The following MACROD2 variants were observed in gnomAD, a reference collection of about 807,000 sequenced individuals.
MACROD2 encodes mono-ADP ribosylhydrolase 2, also known as ADP-ribose glycohydrolase MACROD2.
A neutral mutation model predicts 70.4 loss-of-function variants in MACROD2; 36 were observed. The ratio of observed to expected loss-of-function variants is 0.51; its 90% CI spans 0.39 to 0.68. The LOEUF (loss-of-function observed/expected upper bound fraction) is 0.68, where lower values mean the gene tolerates loss of function less well. Ranked by LOEUF, MACROD2 falls within the 30% of genes least tolerant of loss-of-function variation. The pLI, the probability that MACROD2 is intolerant of heterozygous loss-of-function variation, is 0.00. For missense variants in MACROD2, 496 were observed against 538.4 expected, an observed-to-expected ratio of 0.92 and a Z score of 0.78; for synonymous variants, 172 against 178.8, an observed-to-expected ratio of 0.96 and a Z score of 0.30.
chr20:14,341,568 G>T (rs781240520), intron 3 of MACROD2, among the ~76,000 whole-genome samples: 1 of 152,246 alleles, frequency 6.6e-6, no homozygotes, highest in South Asian at 2.1e-4. Context: ...GAACCCAGGA[G>T]GTGGAGGTTG....
chr20:15,615,245 A>G (rs2049021628), intron 8 of MACROD2, among the ~76,000 whole-genome samples: 1 of 152,090 alleles, frequency 6.6e-6, no homozygotes, highest in Admixed American at 6.6e-5. Flanking sequence ...CGCATCCCCA[A>G]CCTGAGTGAA....
At chr20:14,030,491 C>T (rs943871093) in intron 2 of MACROD2, among the ~76,000 whole-genome samples, 1 of 152,066 alleles carries the variant, frequency 6.6e-6, no homozygotes, top group Non-Finnish European at 1.5e-5. Context: ...TAGCTGCAAC[C>T]TCTGCCTCCC....
In MACROD2 at chr20:15,418,660, C is replaced by T. The variant is rs918588050; in HGVS notation, c.541-12745C>T. Reference sequence around the variant, plus strand: ...AAGAAAACCAGGGATTGACTCAAAGCCAAGGATCCATAATAACCTCCACTT... The same window carrying T: ...AAGAAAACCAGGGATTGACTCAAAGTCAAGGATCCATAATAACCTCCACTT... On this transcript the variant is annotated intron_variant, in intron 6 of 17. Coordinates refer to ENST00000684519, the MANE Select transcript of MACROD2 (RefSeq NM_001351661.2). Among the ~76,000 whole-genome samples, 3 of 152,294 alleles carry T rather than the reference C, an allele frequency of 2.0e-5. No individual in the cohort carries two copies. In the South Asian group the frequency reaches 6.2e-4, roughly 32 times the overall value.
chr20:14,919,321 G>C (rs1368594983), intron 5 of MACROD2, among the ~76,000 whole-genome samples: 2 of 152,020 alleles, frequency 1.3e-5, no homozygotes, highest in Non-Finnish European at 2.9e-5. Context: ...TAACCATTTG[G>C]GATAGCTTAT....
chr20:15,573,535 C>T (rs1255355628), intron 8 of MACROD2, among the ~76,000 whole-genome samples: 1 of 152,080 alleles, frequency 6.6e-6, no homozygotes, highest in Non-Finnish European at 1.5e-5. Flanking sequence ...CCAAGAACTC[C>T]CTTATAAGTA....
At chr20:15,450,526 T>C (rs2046626798) in intron 7 of MACROD2, among the ~76,000 whole-genome samples, 1 of 152,126 alleles carries the variant, frequency 6.6e-6, no homozygotes, top group Admixed American at 6.6e-5. Flanking sequence ...AAAAATGTAT[T>C]ACCTATTTTG....
chr20:14,255,867 T>C (rs187529448), intron 3 of MACROD2, among the ~76,000 whole-genome samples: 259 of 152,138 alleles, frequency 1.7e-3, no homozygotes, highest in African/African-American at 6.0e-3. Flanking sequence ...TTTTTGTCTT[T>C]GTTTTTCAGC....
At chr20:15,802,242 T>G (rs2063732878) in intron 8 of MACROD2, among the ~76,000 whole-genome samples, 1 of 152,192 alleles carries the variant, frequency 6.6e-6, no homozygotes, top group Non-Finnish European at 1.5e-5. Flanking sequence ...CTATGTTGAA[T>G]CAGAGTGGTG....
chr20:14,833,084 G>A (rs1436073774), intron 5 of MACROD2, among the ~76,000 whole-genome samples: 1 of 152,126 alleles, frequency 6.6e-6, no homozygotes, highest in Non-Finnish European at 1.5e-5. Flanking sequence ...GTGTGACTGA[G>A]GAATTACATT....
intron 5 of MACROD2, among the ~76,000 whole-genome samples, chr20:14,836,831 C>G (rs1433852673): frequency 6.6e-6 from 1 of 152,022 alleles, no homozygotes; most frequent in Non-Finnish European, 1.5e-5. Flanking sequence ...CAGAAACATG[C>G]ACAGGATTTG....
chr20:16,047,121 C>G lies in MACROD2; in HGVS notation c.1300+2482C>G, dbSNP rs140792986. Among the ~76,000 whole-genome samples, 52 of 152,272 alleles carry G rather than the reference C, an allele frequency of 3.4e-4. 4 individuals are homozygous for G. In the East Asian group the frequency reaches 0.01, roughly 29 times the overall value. ...ATAGCAAGTTTCTGGACACAGTTGTCACAGAGGCAGAATGAATGATTTGTG... is the reference window on the plus strand; with the variant it reads ...ATAGCAAGTTTCTGGACACAGTTGTGACAGAGGCAGAATGAATGATTTGTG... On this transcript the variant is annotated intron_variant, in intron 17 of 17. Transcript: ENST00000684519.
chr20:15,495,765 A>G (rs1949471278), intron 7 of MACROD2, among the ~76,000 whole-genome samples: 1 of 152,378 alleles, frequency 6.6e-6, no homozygotes, highest in African/African-American at 2.4e-5. Context: ...ACATAAATAA[A>G]TGCAGAACTG....
At chr20:15,485,085 C>T (rs1006549545) in intron 7 of MACROD2, among the ~76,000 whole-genome samples, 12 of 151,522 alleles carry the variant, frequency 7.9e-5, no homozygotes, top group Admixed American at 1.3e-4. Context: ...CATGTTGAAC[C>T]GCCTATATAT....
chr20:15,005,267 A>G (rs1004120937), intron 5 of MACROD2, among the ~76,000 whole-genome samples: 2 of 152,188 alleles, frequency 1.3e-5, no homozygotes, highest in Admixed American at 1.3e-4. Flanking sequence ...GGCTTTAAAG[A>G]ATACAACTTT....
At chr20:14,956,879 C>T (rs1302624243) in intron 5 of MACROD2, among the ~76,000 whole-genome samples, 1 of 152,150 alleles carries the variant, frequency 6.6e-6, no homozygotes, top group African/African-American at 2.4e-5. Context: ...TTAGGTGAGA[C>T]TCACTACATG....
intron 5 of MACROD2, among the ~76,000 whole-genome samples, chr20:15,033,762 G>A (rs1368835537): frequency 3.9e-5 from 6 of 152,136 alleles, no homozygotes; most frequent in Non-Finnish European, 8.8e-5. Flanking sequence ...ACCTGTCCAT[G>A]TTAGAAAGAG....
intron 5 of MACROD2, among the ~76,000 whole-genome samples, chr20:15,046,054 G>A (rs968914816): frequency 6.6e-6 from 1 of 151,760 alleles, no homozygotes. Flanking sequence ...TACGCTCAAG[G>A]CTTCAGTTAA....
chr20:14,006,945 C>T lies in MACROD2; in HGVS notation c.163+4541C>T, dbSNP rs542452386. 2.6e-5 allele frequency among the ~76,000 whole-genome samples: 4 copies of T among 152,212 alleles called. 1 individual carries two copies. Among genetic ancestry groups the T allele is most frequent in the African/African-American group, 9.6e-5 (4 of 41,526 alleles). Reference sequence around the variant, plus strand: ...TAGATTATTGTACATCTTTTTGCATCATATCACAGGGCACATAATGCGTCA... The same window carrying T: ...TAGATTATTGTACATCTTTTTGCATTATATCACAGGGCACATAATGCGTCA... On this transcript the variant is annotated intron_variant, in intron 2 of 17. Transcript: ENST00000684519.
intron 8 of MACROD2, among the ~76,000 whole-genome samples, chr20:15,754,229 T>G (rs1408200838): frequency 6.6e-6 from 1 of 152,222 alleles, no homozygotes; most frequent in Non-Finnish European, 1.5e-5. Flanking sequence ...CTAAAGTTTG[T>G]TTCTTTGTGT....
Sources: gnomAD v4.1 joint callset for allele counts (sites outside exome capture counted in the v4.1 genomes callset) on GRCh38, gnomAD v4.1.1 for gene constraint, MANE v1.5 for transcripts, NCBI Gene and HGNC (gene_info 2026-07-23, HGNC 2026-07-21) for gene names.